Variants in BCR observed in about 807,000 individuals in gnomAD.
BCR encodes BCR activator of RhoGEF and GTPase.
BCR carries 58 observed loss-of-function variants against 138.6 expected under a neutral mutation model. The observed-to-expected ratio is 0.42, with a 90% CI of 0.34 to 0.52. BCR has a LOEUF of 0.52. Ranked by LOEUF, BCR falls within the 20% of genes least tolerant of loss-of-function variation. BCR has a pLI of 0.06. For synonymous variants in BCR, 786 were observed against 730.1 expected, an observed-to-expected ratio of 1.08 and a Z score of -1.23; for missense variants, 1,599 against 1,727.2, an observed-to-expected ratio of 0.93 and a Z score of 1.32.
At chr22:23,305,315 T>A (rs775449607) in intron 16 of BCR, among the ~76,000 whole-genome samples, 1 of 152,126 alleles carries the variant, frequency 6.6e-6, no homozygotes, top group Non-Finnish European at 1.5e-5. Context: ...TGCTGGACCA[T>A]CCAGGCTGGT....
At position 23,273,648 on chromosome 22, in the gene BCR, C is replaced by T. The variant is rs1276714421; in HGVS notation, c.1989C>T (p.His663=). The change falls in exon 8 of 23, where the codon CAC becomes CAT. Residue 663 remains histidine, a synonymous_variant. Transcript: ENST00000305877. The part of the protein sequence containing the change: ...STLVLHDLLK[H]TPASHPDHPL... ...TCCTGGGGCAGGACTTGCTGAAGCA[C>T]ACTCCTGCCAGCCACCCTGACCACC... 4.3e-6 allele frequency: 7 copies of T among 1,613,818 alleles called. No individual in the cohort carries two copies. Among genetic ancestry groups the T allele is most frequent in the Middle Eastern group, 3.3e-4 (2 of 6,062 alleles).
intron 1 of BCR, among the ~76,000 whole-genome samples, chr22:23,253,512 G>A (rs547643907): frequency 6.6e-6 from 1 of 152,308 alleles, no homozygotes; most frequent in South Asian, 2.1e-4. Context: ...AGTAGAGGGT[G>A]GGATATGCAA....
chr22:23,199,362 G>T (rs78593182), intron 1 of BCR: 6,029 of 513,286 alleles, frequency 0.012, 295 homozygotes, highest in African/African-American at 0.11. Context: ...TGTGAGCCCC[G>T]CGGTTGCTTA....
At chr22:23,305,258 T>C (rs2073945171) in intron 16 of BCR, among the ~76,000 whole-genome samples, 2 of 152,004 alleles carry the variant, frequency 1.3e-5, no homozygotes, top group African/African-American at 4.8e-5. Context: ...GGGAGTAGGT[T>C]ATAGTGCAGA....
At chr22:23,196,597 G>C (rs2072485925) in intron 1 of BCR, among the ~76,000 whole-genome samples, 1 of 152,124 alleles carries the variant, frequency 6.6e-6, no homozygotes, top group South Asian at 2.1e-4. Flanking sequence ...CCAGTGACCA[G>C]TTTCATGGAA....
chr22:23,227,986 T>A (rs1004758050), intron 1 of BCR, among the ~76,000 whole-genome samples: 2 of 152,242 alleles, frequency 1.3e-5, no homozygotes, highest in African/African-American at 4.8e-5. Context: ...CTATTTCATC[T>A]AAGTTGCCAA....
intron 6 of BCR, 61 bp downstream of exon 6, chr22:23,271,653 G>C: frequency 1.3e-6 from 2 of 1,547,578 alleles, no homozygotes; most frequent in South Asian, 2.2e-5. Flanking sequence ...GCTGGCAGAG[G>C]GGGCGTTGTG....
intron 1 of BCR, among the ~76,000 whole-genome samples, chr22:23,207,661 T>G (rs1219003934): frequency 1.3e-5 from 2 of 152,006 alleles, no homozygotes; most frequent in African/African-American, 4.8e-5. Context: ...GTTAGGCCAT[T>G]GTAGGGGAGG....
rs2073759977 is a variant in BCR, at chr22:23,289,608, C to T, written c.2694C>T (p.Thr898=). ...KLQTVHSIPL[T]INKEDDESPG... ...AGACTGTCCACAGCATTCCGCTGAC[C>T]ATCAATAAGGAAGGTGGGCCCCCCC... The change falls in exon 13 of 23, where the codon ACC becomes ACT. Residue 898 remains threonine (T), a synonymous_variant. Transcript: ENST00000305877. 2 of 1,607,010 alleles carry T rather than the reference C, an allele frequency of 1.2e-6. No individual in the cohort carries two copies. Among genetic ancestry groups the T allele is most frequent in the Non-Finnish European group, 1.7e-6 (2 of 1,178,548 alleles).
At chr22:23,269,008 C>T (rs919378703) in intron 5 of BCR, among the ~76,000 whole-genome samples, 8 of 152,230 alleles carry the variant, frequency 5.3e-5, no homozygotes, top group Non-Finnish European at 1.0e-4. Context: ...GGGAGCAAAG[C>T]GACAGGTTGG....
chr22:23,237,624 T>C (rs1326136845), intron 1 of BCR, among the ~76,000 whole-genome samples: 1 of 152,194 alleles, frequency 6.6e-6, no homozygotes, highest in Non-Finnish European at 1.5e-5. Flanking sequence ...AAAGCTCTGC[T>C]CTGGCCTGAT....
At chr22:23,245,983 C>G (rs2073153589) in intron 1 of BCR, among the ~76,000 whole-genome samples, 1 of 152,204 alleles carries the variant, frequency 6.6e-6, no homozygotes, top group African/African-American at 2.4e-5. Context: ...TCACCGACCT[C>G]CTTTCTGTCT....
In BCR at chr22:23,181,446, C is replaced by T; in HGVS notation, c.486C>T (p.Arg162=). 2 of 1,599,810 alleles carry T rather than the reference C, an allele frequency of 1.3e-6. No individual in the cohort carries two copies. The highest frequency in any genetic ancestry group is 1.7e-6 in the Non-Finnish European group (2 of 1,170,682). ...AALRSNFERI[R]KGHGQPGADA... ...TCAGGTCCAACTTCGAGCGGATCCG[C>T]AAGGGCCATGGCCAGCCCGGGGCGG... The change falls in exon 1 of 23, where the codon CGC becomes CGT. Residue 162 remains arginine, a synonymous_variant. Coordinates refer to ENST00000305877, the MANE Select transcript of BCR (RefSeq NM_004327.4).
intron 1 of BCR, among the ~76,000 whole-genome samples, chr22:23,205,902 G>T (rs116560196): frequency 1.5e-3 from 222 of 152,290 alleles, no homozygotes; most frequent in African/African-American, 5.0e-3. Flanking sequence ...GTTTCACAGC[G>T]AGCTGCCTCC....
rs6003597 is a variant in BCR, at chr22:23,274,321, C to T, written c.2115+547C>T. ...CCCCTTCCCCCCCGTCACTGATGTA[C>T]TCTGTGTGCACATCATCGATGAGCA... On this transcript the variant is annotated intron_variant, in intron 8 of 22. Transcript: ENST00000305877. 7.2e-4 allele frequency among the ~76,000 whole-genome samples: 109 copies of T among 152,374 alleles called. 1 individual carries two copies. Among genetic ancestry groups the T allele is most frequent in the African/African-American group, 2.5e-3 (104 of 41,590 alleles).
At chr22:23,312,702 C>G (rs1284044951) in intron 19 of BCR, 185 bp from the exon 20 acceptor site, 7 of 589,558 alleles carry the variant, frequency 1.2e-5, no homozygotes, top group Middle Eastern at 4.5e-4. Context: ...CCACGCACCC[C>G]TATCAACTCT....
chr22:23,265,306 G>T lies in BCR; in HGVS notation c.1753-3102G>T, dbSNP rs563134465. ...AACGACGAGCTGAGTACTCACGTGTGTTCAACCTGGGCTGGGTGCTGGGGA... is the reference window on the plus strand; with the variant it reads ...AACGACGAGCTGAGTACTCACGTGTTTTCAACCTGGGCTGGGTGCTGGGGA... On this transcript the variant is annotated intron_variant, in intron 4 of 22. Coordinates refer to ENST00000305877, the MANE Select transcript of BCR (RefSeq NM_004327.4). 2.3e-4 allele frequency among the ~76,000 whole-genome samples: 35 copies of T among 152,374 alleles called. No individual in the cohort carries two copies. The South Asian group carries it at 7.0e-3, about 31-fold the overall frequency.
At chr22:23,309,920 C>G (rs2073989119) in intron 17 of BCR, 1 of 323,798 alleles carries the variant, frequency 3.1e-6, no homozygotes, top group Non-Finnish European at 5.8e-6. Flanking sequence ...GTCTTTCCTA[C>G]TTAATTTTTA....
chr22:23,272,105 A>T (rs1181877722), intron 6 of BCR, among the ~76,000 whole-genome samples: 2 of 152,310 alleles, frequency 1.3e-5, no homozygotes, highest in South Asian at 2.1e-4. Context: ...GGTGTGAGCT[A>T]CCGCACCTGG....
Sources: allele counts gnomAD v4.1 joint callset (sites outside exome capture counted in the v4.1 genomes callset), GRCh38; gene constraint gnomAD v4.1.1; transcripts MANE v1.5; gene names NCBI Gene and HGNC (gene_info 2026-07-23, HGNC 2026-07-21).